The following LYRM4 variants were observed in gnomAD, a reference collection of about 807,000 sequenced individuals.
LYRM4 encodes LYR motif containing 4, also known as LYR motif-containing protein 4.
In LYRM4, 9 loss-of-function variants were observed where a neutral mutation model predicts 11.7. That is an observed-to-expected ratio of 0.77 (90% CI 0.46 to 1.34). The LOEUF is 1.34. Among genes scored for constraint, LYRM4 ranks in the 40% most tolerant of loss-of-function variants. LYRM4 has a pLI of 0.00. For missense variants in LYRM4, 133 were observed against 112.5 expected (o/e 1.18, Z -0.82); for synonymous variants, 42 against 40.4 (o/e 1.04, Z -0.15).
At chr6:5,118,183 G>A (rs1188941586) in intron 2 of LYRM4, among the ~76,000 whole-genome samples, 2 of 148,896 alleles carry the variant, frequency 1.3e-5, no homozygotes, top group Non-Finnish European at 3.0e-5. Context: ...CTCTCAGCTC[G>A]CTGCAACCTC....
rs557683186 is a variant in LYRM4, at chr6:5,144,005, C to T, written c.208-34514G>A. 3.0e-5 allele frequency: 32 copies of T among 1,073,198 alleles called. No homozygotes were observed. The South Asian group carries it at 3.3e-4, about 11-fold the overall frequency. The allele number at this position is 1,073,198 out of a possible 1,614,324, so 66.5% of individuals were successfully genotyped here. On this transcript the variant is annotated intron_variant, in intron 2 of 2. Coordinates refer to ENST00000330636, the MANE Select transcript of LYRM4 (RefSeq NM_020408.6). ...AATTCTAAGCTTCTGAGGTCTAATT[C>T]CCAAGGCTCAAAGAAGCCCCTGACA...
chr6:5,227,375 A>T (rs1762954342), intron 1 of LYRM4, among the ~76,000 whole-genome samples: 1 of 152,240 alleles, frequency 6.6e-6, no homozygotes, highest in Non-Finnish European at 1.5e-5. Context: ...AGAAGGGTCA[A>T]CGTAGAGGCA....
At chr6:5,168,438 A>G (rs1455339468) in intron 2 of LYRM4, among the ~76,000 whole-genome samples, 1 of 152,232 alleles carries the variant, frequency 6.6e-6, no homozygotes, top group Non-Finnish European at 1.5e-5. Flanking sequence ...TCATGCATGC[A>G]GTATTCTTGC....
chr6:5,052,933 G>A, the LYRM4 span, among the ~76,000 whole-genome samples: 72 of 152,224 alleles, frequency 4.7e-4, 1 homozygote, highest in East Asian at 0.014. Flanking sequence ...AAAGGATAAT[G>A]CTTTTTCTTT....
At chr6:5,190,215 T>C (rs1760671771) in intron 2 of LYRM4, among the ~76,000 whole-genome samples, 1 of 151,960 alleles carries the variant, frequency 6.6e-6, no homozygotes, top group Non-Finnish European at 1.5e-5. Flanking sequence ...CTCAAAGCAT[T>C]TGATTTCCTT....
At chr6:5,143,576 A>T (rs1483672385) in intron 2 of LYRM4, among the ~76,000 whole-genome samples, 1 of 152,050 alleles carries the variant, frequency 6.6e-6, no homozygotes, top group Non-Finnish European at 1.5e-5. Flanking sequence ...AGAACTGGTT[A>T]AAAAAAAGCC....
chr6:5,085,717 C>T, the LYRM4 span: 3 of 1,545,914 alleles, frequency 1.9e-6, no homozygotes, highest in East Asian at 2.5e-5. Context: ...GGAATGCCGC[C>T]GCCGCTGCCG....
At chr6:5,063,659 T>A in the LYRM4 span, among the ~76,000 whole-genome samples, 13,264 of 152,262 alleles carry the variant, frequency 0.087, 658 homozygotes, top group Middle Eastern at 0.16. Flanking sequence ...TGAGAGGCAC[T>A]GCTCCTGGTG....
the LYRM4 span, among the ~76,000 whole-genome samples, chr6:5,050,472 G>C: frequency 1.3e-5 from 2 of 152,174 alleles, no homozygotes; most frequent in Admixed American, 1.3e-4. Context: ...CATCTCTTTG[G>C]CTGAAGCAAC....
intron 2 of LYRM4, among the ~76,000 whole-genome samples, chr6:5,204,035 C>A (rs1761547399): frequency 6.6e-6 from 1 of 152,162 alleles, no homozygotes; most frequent in Non-Finnish European, 1.5e-5. Context: ...TCCTTCACAC[C>A]CCTAGGAAGG....
Position 5,179,591 on chromosome 6 carries a change from G to C in LYRM4, c.207+37027C>G, listed in dbSNP as rs963175262. 5.9e-5 allele frequency among the ~76,000 whole-genome samples: 9 copies of C among 152,298 alleles called. 1 individual carries two copies. Among genetic ancestry groups the C allele is most frequent in the Admixed American group, 5.2e-4 (8 of 15,304 alleles). ...TCCAGATTCATCCATGTTATAGCAT[G>C]TATCAGAATTTCCTTCCTTTTTAAG... On this transcript the variant is annotated intron_variant, in intron 2 of 2. Transcript: ENST00000330636.
chr6:5,112,185 CCACCTG>C, intron 2 of LYRM4, among the ~76,000 whole-genome samples: 1 of 152,314 alleles, frequency 6.6e-6, no homozygotes, highest in Middle Eastern at 3.4e-3. Flanking sequence ...CTCTTTGCAG[CCACCTG>C]GGCCATCTGT....
In LYRM4 at chr6:5,235,752, T is replaced by C. The variant is rs1763503378; in HGVS notation, c.87-19014A>G. ...AAACAGAAAAATAATCTGGTTGTGT[T>C]AGTCTTAAGAACATAGCTCAAGGTC... On this transcript the variant is annotated intron_variant, in intron 1 of 2. Coordinates refer to ENST00000330636, the MANE Select transcript of LYRM4 (RefSeq NM_020408.6). Among the ~76,000 whole-genome samples, 3 of 152,172 alleles carry C rather than the reference T, an allele frequency of 2.0e-5. No homozygotes were observed. In the South Asian group the frequency reaches 6.2e-4, roughly 32 times the overall value.
chr6:5,215,175 T>A (rs1331892065), intron 2 of LYRM4, among the ~76,000 whole-genome samples: 2 of 152,154 alleles, frequency 1.3e-5, no homozygotes, highest in Admixed American at 1.3e-4. Context: ...CTGGATAATT[T>A]TACGCTAAAG....
At chr6:5,242,110 C>T (rs1763916445) in intron 1 of LYRM4, among the ~76,000 whole-genome samples, 1 of 150,362 alleles carries the variant, frequency 6.7e-6, no homozygotes, top group Non-Finnish European at 1.5e-5. Flanking sequence ...TCTCACTCTG[C>T]CACCCAGGCT....
the LYRM4 span, among the ~76,000 whole-genome samples, chr6:5,036,670 T>A: frequency 6.6e-6 from 1 of 152,226 alleles, no homozygotes; most frequent in South Asian, 2.1e-4. Flanking sequence ...TCCGATTGCT[T>A]CAGATAGTCA....
the LYRM4 span, among the ~76,000 whole-genome samples, chr6:5,095,778 G>A: frequency 2.6e-5 from 4 of 152,038 alleles, no homozygotes; most frequent in South Asian, 2.1e-4. Context: ...TCAGGAGTTC[G>A]AAGCCAGCCT....
chr6:5,248,350 C>G (rs956025822), intron 1 of LYRM4, among the ~76,000 whole-genome samples: 1 of 152,174 alleles, frequency 6.6e-6, no homozygotes, highest in Admixed American at 6.6e-5. Context: ...TCCTGACTGG[C>G]CTCTATGTCT....
chr6:5,144,056 C>T, intron 2 of LYRM4: 1 of 1,450,022 alleles, frequency 6.9e-7, no homozygotes, highest in African/African-American at 1.4e-5. Flanking sequence ...CCCTGAATAG[C>T]TGCTTCATAC....
Sources: gnomAD v4.1 joint callset for allele counts (sites outside exome capture counted in the v4.1 genomes callset) on GRCh38, gnomAD v4.1.1 for gene constraint, MANE v1.5 for transcripts, NCBI Gene and HGNC (gene_info 2026-07-23, HGNC 2026-07-21) for gene names.